EXOC4: variants seen among roughly 807,000 people sequenced by gnomAD.
EXOC4 encodes the protein exocyst complex component 4.
In EXOC4, 71 loss-of-function variants were observed where a neutral mutation model predicts 107.2. That is an observed-to-expected ratio of 0.66 (90% confidence interval 0.55 to 0.81). The LOEUF is 0.81. Among genes scored for constraint, EXOC4 ranks in the 30% least tolerant of loss-of-function variants. The pLI, the probability that EXOC4 is intolerant of heterozygous loss-of-function variation, is 0.00. For synonymous variants in EXOC4, 456 were observed against 441.2 expected (o/e 1.03, Z -0.42); for missense variants, 1,108 against 1,189.6 (o/e 0.93, Z 1.01).
intron 1 of EXOC4, among the ~76,000 whole-genome samples, chr7:133,261,902 GGTAGTTACCTGTCACAC>G (rs1795161750): frequency 6.6e-6 from 1 of 151,994 alleles, no homozygotes; most frequent in Admixed American, 6.6e-5. Flanking sequence ...CCTGGCCTTG[GGTAGTTACCTGTCACAC>G]GTGTGCTGAT....
At chr7:133,567,174 T>C (rs1800922769) in intron 9 of EXOC4, among the ~76,000 whole-genome samples, 1 of 152,158 alleles carries the variant, frequency 6.6e-6, no homozygotes. Flanking sequence ...ATAGATACCC[T>C]GTTACCTTTC....
intron 7 of EXOC4, among the ~76,000 whole-genome samples, chr7:133,393,888 G>A (rs1796912001): frequency 6.6e-6 from 1 of 152,202 alleles, no homozygotes; most frequent in Non-Finnish European, 1.5e-5. Context: ...GTTGAACTTT[G>A]TAGATTTAAA....
intron 17 of EXOC4, among the ~76,000 whole-genome samples, chr7:134,063,334 C>T (rs1201605370): frequency 6.6e-6 from 1 of 152,194 alleles, no homozygotes; most frequent in Non-Finnish European, 1.5e-5. Flanking sequence ...ATTTCTCCTC[C>T]TCTGCTATTA....
intron 14 of EXOC4, among the ~76,000 whole-genome samples, chr7:133,963,718 TTGTCTTTTC>T: frequency 6.6e-6 from 1 of 152,348 alleles, no homozygotes; most frequent in East Asian, 1.9e-4. Context: ...AGAAAGTATA[TTGTCTTTTC>T]ATTCATTCTG....
intron 16 of EXOC4, among the ~76,000 whole-genome samples, chr7:134,006,831 G>T (rs918577301): frequency 1.3e-5 from 2 of 152,170 alleles, no homozygotes; most frequent in South Asian, 4.1e-4. Flanking sequence ...TAACCCATAT[G>T]TGCCTCACGT....
chr7:133,868,380 A>G (rs1476728618), intron 11 of EXOC4, among the ~76,000 whole-genome samples: 2 of 152,206 alleles, frequency 1.3e-5, no homozygotes, highest in Non-Finnish European at 1.5e-5. Context: ...TTTGGCATCC[A>G]GTATATGTGA....
intron 7 of EXOC4, among the ~76,000 whole-genome samples, chr7:133,437,740 T>C (rs747870798): frequency 5.9e-5 from 9 of 152,208 alleles, no homozygotes; most frequent in Non-Finnish European, 1.2e-4. Context: ...GGCCTGCTGA[T>C]TGGTATGAGT....
Position 133,584,583 on chromosome 7 carries a change from T to G in EXOC4, c.1418-45462T>G, listed in dbSNP as rs1159864864. On this transcript the variant is annotated intron_variant, in intron 9 of 17. Transcript: ENST00000253861. ...TTTTTTACGTATTTCAGTTTTTTTTTTGTTTTTTTTTTTGAGACAGAGTCT... is the reference window on the plus strand; with the variant it reads ...TTTTTTACGTATTTCAGTTTTTTTTGTGTTTTTTTTTTTGAGACAGAGTCT... Among the ~76,000 whole-genome samples, 8 of 137,434 alleles carry G rather than the reference T, an allele frequency of 5.8e-5. 1 individual carries two copies. Among genetic ancestry groups the G allele is most frequent in the South Asian group, 2.5e-4 (1 of 4,030 alleles). 90.2% of individuals were successfully genotyped at this position (137,434 alleles called of 152,430 possible).
At chr7:133,928,409 A>G (rs1200658876) in intron 13 of EXOC4, among the ~76,000 whole-genome samples, 4 of 152,144 alleles carry the variant, frequency 2.6e-5, no homozygotes, top group Admixed American at 2.6e-4. Context: ...GTCTCTGCTG[A>G]TGCCTGTTCT....
chr7:133,738,855 T>G (rs1795502359), intron 10 of EXOC4, among the ~76,000 whole-genome samples: 1 of 152,156 alleles, frequency 6.6e-6, no homozygotes, highest in African/African-American at 2.4e-5. Flanking sequence ...GTTCAAATGG[T>G]TATCAGCACC....
chr7:134,069,485 CCTT>C (rs1159635835), downstream of EXOC4, among the ~76,000 whole-genome samples: 5 of 151,674 alleles, frequency 3.3e-5, no homozygotes, highest in East Asian at 7.8e-4. Flanking sequence ...CTCTTCTCCT[CCTT>C]CTTCTCCTTT....
chr7:133,460,454 C>T (rs900217798), intron 7 of EXOC4, among the ~76,000 whole-genome samples: 5 of 152,114 alleles, frequency 3.3e-5, no homozygotes, highest in African/African-American at 1.2e-4. Context: ...ATTTGATTAA[C>T]CTTTTAAATT....
intron 11 of EXOC4, among the ~76,000 whole-genome samples, chr7:133,846,934 G>A (rs1798140035): frequency 6.6e-6 from 1 of 152,214 alleles, no homozygotes; most frequent in Non-Finnish European, 1.5e-5. Flanking sequence ...AAAGTTCACG[G>A]TAATAGCACT....
chr7:134,088,196 A>G, the EXOC4 span, among the ~76,000 whole-genome samples: 1 of 152,096 alleles, frequency 6.6e-6, no homozygotes, highest in Admixed American at 6.5e-5. Context: ...CTATAAGTCA[A>G]GTTTAATTCC....
intron 9 of EXOC4, among the ~76,000 whole-genome samples, chr7:133,564,716 T>C (rs918193738): frequency 6.6e-6 from 1 of 152,188 alleles, no homozygotes; most frequent in Admixed American, 6.5e-5. Context: ...GATTTTTCAC[T>C]GTTCCCTTAA....
intron 5 of EXOC4, among the ~76,000 whole-genome samples, chr7:133,333,494 A>G (rs1364800827): frequency 1.3e-5 from 2 of 152,064 alleles, no homozygotes; most frequent in African/African-American, 2.4e-5. Context: ...AGTTGAACAC[A>G]TTGCTGCTGG....
At position 133,827,502 on chromosome 7, in the gene EXOC4, G is replaced by C. The variant is rs373494035; in HGVS notation, c.1734+9958G>C. On this transcript the variant is annotated intron_variant, in intron 11 of 17. Transcript: ENST00000253861. ...AACTAGCTTCTATATAATATAGCCA[G>C]CTAGGGTTTTGGAATAATAACAGAG... is the stretch of plus-strand genomic sequence containing the variant. Among the ~76,000 whole-genome samples, 8 of 152,158 alleles carry C rather than the reference G, an allele frequency of 5.3e-5. No individual in the cohort carries two copies. In the East Asian group the frequency reaches 5.8e-4, roughly 11 times the overall value.
intron 10 of EXOC4, among the ~76,000 whole-genome samples, chr7:133,696,331 C>A (rs1794532764): frequency 6.6e-6 from 1 of 152,186 alleles, no homozygotes; most frequent in Non-Finnish European, 1.5e-5. Context: ...ACCACTGAAC[C>A]AGCCAATTAA....
At chr7:133,805,223 T>C (rs1282570843) in intron 10 of EXOC4, among the ~76,000 whole-genome samples, 1 of 152,216 alleles carries the variant, frequency 6.6e-6, no homozygotes, top group Non-Finnish European at 1.5e-5. Flanking sequence ...GACTTAGTTT[T>C]GAAGTGGTCC....
Sources: allele counts gnomAD v4.1 joint callset (sites outside exome capture counted in the v4.1 genomes callset), GRCh38; gene constraint gnomAD v4.1.1; transcripts MANE v1.5; gene names NCBI Gene and HGNC (gene_info 2026-07-23, HGNC 2026-07-21).